Variants in MDM2 observed in about 807,000 individuals in gnomAD.
MDM2 encodes the protein MDM2 proto-oncogene, also known as E3 ubiquitin-protein ligase Mdm2.
MDM2 carries 11 observed loss-of-function variants against 64.3 expected under a neutral mutation model. That is an observed-to-expected ratio of 0.17 (90% CI 0.11 to 0.28). The LOEUF is 0.28. Among genes scored for constraint, MDM2 ranks in the 10% least tolerant of loss-of-function variants. The probability of loss-of-function intolerance (pLI) is 1.00; values close to 1 mark genes in which losing one functional copy is unlikely to be tolerated. For missense variants in MDM2, 388 were observed against 577.1 expected (o/e 0.67, Z 3.36); for synonymous variants, 194 against 192.9 (o/e 1.01, Z -0.05).
chr12:68,824,680 C>A, intron 7 of MDM2, 29 bp downstream of exon 7: 1 of 1,356,590 alleles, frequency 7.4e-7, no homozygotes, highest in South Asian at 1.2e-5. Context: ...TTGACGCATT[C>A]ACACAGCTTT....
At chr12:68,823,564 C>A (rs1428320104) in intron 5 of MDM2, among the ~76,000 whole-genome samples, 1 of 152,086 alleles carries the variant, frequency 6.6e-6, no homozygotes, top group African/African-American at 2.4e-5. Flanking sequence ...GTTTTCCATG[C>A]CTTAGTTTAG....
At chr12:68,836,619 C>T (rs2136170863) in intron 9 of MDM2, 53 bp from the exon 10 acceptor site, 1 of 1,263,728 alleles carries the variant, frequency 7.9e-7, no homozygotes, top group Non-Finnish European at 1.2e-6. Context: ...AGGAAGCCTT[C>T]TGATTGAAGG....
intron 8 of MDM2, among the ~76,000 whole-genome samples, chr12:68,833,317 A>ATTTT (rs1565744155): frequency 8.3e-6 from 1 of 121,084 alleles, no homozygotes; most frequent in Non-Finnish European, 1.7e-5. Context: ...ATAAAAATAT[A>ATTTT]ATTATATAAA....
intron 7 of MDM2, chr12:68,828,135 GAA>G (rs1238020121): frequency 6.6e-6 from 1 of 151,262 alleles, no homozygotes; most frequent in Non-Finnish European, 1.5e-5. Flanking sequence ...TGTCTCAAAA[GAA>G]AAAGTGTAGG....
At chr12:68,808,871 C>A in intron 1 of MDM2, 3 of 1,338,702 alleles carry the variant, frequency 2.2e-6, no homozygotes, top group Non-Finnish European at 2.9e-6. Context: ...GTAGTCTGGG[C>A]GGGATTGGGC....
chr12:68,839,357 T>C lies in MDM2; in HGVS notation c.1002T>C (p.Asn334=), dbSNP rs199812774. 156 of 1,613,924 alleles carry C rather than the reference T, an allele frequency of 9.7e-5. No homozygotes were observed. In the East Asian group the frequency reaches 1.5e-3, roughly 16 times the overall value. Residue 334 remains asparagine, a synonymous_variant, in exon 11 of 11, where the codon AAT becomes AAC. Transcript: ENST00000258149. ...HCNRCWALRE[N]WLPEDKGKDK... is the part of the protein sequence containing the mutation. ...ACAGATGTTGGGCCCTTCGTGAGAA[T>C]TGGCTTCCTGAAGATAAAGGGAAAG...
chr12:68,829,512 A>G lies in MDM2; in HGVS notation c.684+581A>G, dbSNP rs187140620. Among the ~76,000 whole-genome samples the G allele has an allele frequency of 2.2e-4, 33 of 152,238 alleles. No individual in the cohort carries two copies. The East Asian group carries it at 6.2e-3, about 28-fold the overall frequency. On this transcript the variant is annotated intron_variant, in intron 8 of 10. Transcript: ENST00000258149. ...GCTGGGTGCGGTGGCTCATGCCTGT[A>G]ATCAGTACTTTCGGAGGCTGAGGCG... is the stretch of plus-strand genomic sequence containing the variant.
chr12:68,842,297 A>G lies in MDM2; in HGVS notation c.*2448A>G, dbSNP rs1883835761. 4.0e-6 allele frequency: 2 copies of G among 496,212 alleles called. No homozygotes were observed. The highest frequency in any genetic ancestry group is 8.0e-6 in the Non-Finnish European group (2 of 250,942). The allele number at this position is 496,212 out of a possible 1,614,324, so 30.7% of individuals were successfully genotyped here. ...ACATCAAAGAAGTCAGGCAAAACTC[A>G]TCTTGACCCCTGTTGCAGGCAAAGG... On this transcript the variant is annotated 3_prime_UTR_variant, in exon 11 of 11. Coordinates refer to ENST00000258149, the MANE Select transcript of MDM2 (RefSeq NM_002392.6).
intron 10 of MDM2, among the ~76,000 whole-genome samples, chr12:68,837,962 T>C (rs1390274535): frequency 1.3e-5 from 2 of 152,230 alleles, no homozygotes; most frequent in African/African-American, 2.4e-5. Context: ...ACTAATTGAA[T>C]CATTTGATGT....
intron 7 of MDM2, 108 bp downstream of exon 7, chr12:68,824,759 G>T: frequency 1.4e-6 from 1 of 708,834 alleles, no homozygotes; most frequent in East Asian, 2.8e-5. Flanking sequence ...TTTTGGTTGA[G>T]ATGAATTAAC....
At position 68,834,062 on chromosome 12, in the gene MDM2, TTGTTTC is replaced by T. The variant is rs140180711; in HGVS notation, c.685-1761_685-1756del. On this transcript the variant is annotated intron_variant, in intron 8 of 10. Coordinates refer to ENST00000258149, the MANE Select transcript of MDM2 (RefSeq NM_002392.6). Reference sequence around the variant, plus strand: ...GTCAGAGGCTGTAAAATAATATACTTTGTTTCTGTTTTTAAAACTGATACAGATATG... The same window carrying T: ...GTCAGAGGCTGTAAAATAATATACTTTGTTTTTAAAACTGATACAGATATG... Among the ~76,000 whole-genome samples, 1,227 of 152,318 alleles carry T rather than the reference TTGTTTC, an allele frequency of 8.1e-3. 24 individuals are homozygous for T. The highest frequency in any genetic ancestry group is 0.028 in the African/African-American group (1,175 of 41,556).
rs1015765897 is a variant in MDM2, at chr12:68,843,341, G to A, written c.*3492G>A. 1.2e-4 allele frequency: 28 copies of A among 230,500 alleles called. No homozygotes were observed. The highest frequency in any genetic ancestry group is 5.5e-4 in the African/African-American group (25 of 45,240). 14.3% of individuals were successfully genotyped at this position (230,500 alleles called of 1,614,324 possible). A position where few individuals can be genotyped will look rare whatever the true frequency, so the allele number is the denominator to read the frequency against. ...GTAGGGTGACTATAGTTAATGTATT[G>A]AATGTTCTTGCTACAAATAAATGAT... On this transcript the variant is annotated 3_prime_UTR_variant, in exon 11 of 11. Coordinates refer to ENST00000258149, the MANE Select transcript of MDM2 (RefSeq NM_002392.6).
chr12:68,824,603 G>A lies in MDM2; in HGVS notation c.475G>A (p.Val159Ile). The part of the protein sequence containing the change: ...QEEKPSSSHL[V>I]SRPSTSSRRR... Reference sequence around the variant, plus strand: ...AGAGAAACCTTCATCTTCACATTTGGTTTCTAGACCATCTACCTCATCTAG... The same window carrying A: ...AGAGAAACCTTCATCTTCACATTTGATTTCTAGACCATCTACCTCATCTAG... Residue 159 changes from valine to isoleucine, a missense_variant, in exon 7 of 11, where the codon GTT (valine) becomes ATT (isoleucine). Coordinates refer to ENST00000258149, the MANE Select transcript of MDM2 (RefSeq NM_002392.6). 1 of 1,613,528 alleles carries A rather than the reference G, an allele frequency of 6.2e-7. No homozygotes were observed. Among genetic ancestry groups the A allele is most frequent in the South Asian group, 1.1e-5 (1 of 91,000 alleles).
intron 9 of MDM2, 36 bp downstream of exon 9, chr12:68,836,020 A>C (rs1384873349): frequency 6.7e-7 from 1 of 1,489,138 alleles, no homozygotes; most frequent in East Asian, 2.3e-5. Flanking sequence ...ATATTGGAAA[A>C]TTATTAAATA....
chr12:68,826,607 C>A (rs1258330557), intron 7 of MDM2, among the ~76,000 whole-genome samples: 2 of 146,950 alleles, frequency 1.4e-5, no homozygotes, highest in Non-Finnish European at 3.0e-5. Flanking sequence ...CAAGGTCGCA[C>A]CACTGCACTC....
chr12:68,814,061 T>C (rs1881141142), intron 3 of MDM2, among the ~76,000 whole-genome samples: 1 of 152,284 alleles, frequency 6.6e-6, no homozygotes, highest in Admixed American at 6.5e-5. Flanking sequence ...ATAATGTTTT[T>C]TTGTTTTTTG....
intron 5 of MDM2, among the ~76,000 whole-genome samples, chr12:68,823,855 C>T (rs563930650): frequency 1.4e-4 from 22 of 152,210 alleles, no homozygotes; most frequent in Non-Finnish European, 2.8e-4. Flanking sequence ...AAGGGAATGA[C>T]AGCATGAGTC....
In MDM2 at chr12:68,842,053, C is replaced by G; in HGVS notation, c.*2204C>G. The G allele has an allele frequency of 2.5e-6, 1 of 403,270 alleles. No individual in the cohort carries two copies. Among genetic ancestry groups the G allele is most frequent in the East Asian group, 4.5e-5 (1 of 22,252 alleles). The allele number at this position is 403,270 out of a possible 1,614,324, so 25.0% of individuals were successfully genotyped here. On this transcript the variant is annotated 3_prime_UTR_variant, in exon 11 of 11. Coordinates refer to ENST00000258149, the MANE Select transcript of MDM2 (RefSeq NM_002392.6). ...AAAACTTTAAAAGAAGTGCAATTCT[C>G]AAAAGGTTAGGTGGACTAAAGCATT...
At chr12:68,821,539 A>G (rs1390409719) in intron 5 of MDM2, among the ~76,000 whole-genome samples, 1 of 149,506 alleles carries the variant, frequency 6.7e-6, no homozygotes, top group Non-Finnish European at 1.5e-5. Context: ...CCTGGGCAGC[A>G]TGGCAAAATC....
Sources: allele counts gnomAD v4.1 joint callset (sites outside exome capture counted in the v4.1 genomes callset), GRCh38; gene constraint gnomAD v4.1.1; transcripts MANE v1.5; gene names NCBI Gene and HGNC (gene_info 2026-07-23, HGNC 2026-07-21).